Variants in MYL12B observed in about 807,000 individuals in gnomAD.
The protein encoded by MYL12B is myosin light chain 12B, also known as myosin regulatory light chain 12B.
A neutral mutation model predicts 12.9 loss-of-function variants in MYL12B; 3 were observed. That is an observed-to-expected ratio of 0.23 (90% CI 0.11 to 0.60). The LOEUF is 0.60. Among genes scored for constraint, MYL12B ranks in the 20% least tolerant of loss-of-function variants. The pLI, the probability that MYL12B is intolerant of heterozygous loss-of-function variation, is 0.89. For synonymous variants in MYL12B, 57 were observed against 71.9 expected (o/e 0.79, Z 1.05); for missense variants, 120 against 215.4 (o/e 0.56, Z 2.77).
chr18:3,270,037 T>G (rs1262510309), intron 1 of MYL12B, among the ~76,000 whole-genome samples: 1 of 152,158 alleles, frequency 6.6e-6, no homozygotes, highest in Non-Finnish European at 1.5e-5. Flanking sequence ...AGTAGACTGA[T>G]CCAAGAAGAT....
intron 2 of MYL12B, chr18:3,276,905 A>C: frequency 4.2e-6 from 4 of 942,600 alleles, no homozygotes; most frequent in Non-Finnish European, 5.0e-6. Flanking sequence ...GCATGGTGGC[A>C]CATGCCTATA....
chr18:3,277,470 T>G (rs2081742858), intron 3 of MYL12B, 56 bp downstream of exon 3: 1 of 1,549,106 alleles, frequency 6.5e-7, no homozygotes, highest in East Asian at 2.3e-5. Flanking sequence ...AGTACTTCTG[T>G]GAAATAGAAG....
At chr18:3,270,741 T>C (rs148984749) in intron 1 of MYL12B, among the ~76,000 whole-genome samples, 1 of 152,292 alleles carries the variant, frequency 6.6e-6, no homozygotes, top group African/African-American at 2.4e-5. Context: ...ACCATTACGG[T>C]TCACCAGCCT....
Position 3,262,174 on chromosome 18 carries a change from A to G in MYL12B, c.-79A>G, listed in dbSNP as rs1412046522. The stretch of plus-strand genomic sequence containing the variant: ...CGCCGCCACTGTCCGGCCACAGCCT[A>G]ACGCTCTTCGCTGTCGTTTGTGGTC... On this transcript the variant is annotated 5_prime_UTR_variant, in exon 1 of 4. Coordinates refer to ENST00000237500, the MANE Select transcript of MYL12B (RefSeq NM_033546.4). The G allele has an allele frequency of 1.3e-5, 2 of 151,966 alleles. No homozygotes were observed. The highest frequency in any genetic ancestry group is 3.9e-4 in the East Asian group (2 of 5,170). The allele number at this position is 151,966 out of a possible 1,614,324, so 9.4% of individuals were successfully genotyped here. A position where few individuals can be genotyped will look rare whatever the true frequency, so the allele number is the denominator to read the frequency against.
At chr18:3,275,995 A>G (rs372461060) in intron 2 of MYL12B, among the ~76,000 whole-genome samples, 10 of 152,238 alleles carry the variant, frequency 6.6e-5, no homozygotes, top group African/African-American at 2.2e-4. Context: ...TAAAACTTAC[A>G]TATGAACTAT....
chr18:3,262,986 G>C (rs775154148), intron 1 of MYL12B: 2 of 152,252 alleles, frequency 1.3e-5, no homozygotes, highest in Admixed American at 6.5e-5. Flanking sequence ...CCTTAAGAGG[G>C]AGAACTTAGC....
chr18:3,273,924 T>G (rs759902479), intron 2 of MYL12B, among the ~76,000 whole-genome samples: 10 of 152,126 alleles, frequency 6.6e-5, no homozygotes, highest in Non-Finnish European at 1.5e-4. Context: ...TGATTTTGAT[T>G]ATTTCTCCTA....
At chr18:3,272,719 G>A (rs1021962667) in intron 1 of MYL12B, among the ~76,000 whole-genome samples, 165 bp from the exon 2 acceptor site, 3 of 152,078 alleles carry the variant, frequency 2.0e-5, no homozygotes, top group African/African-American at 7.2e-5. Flanking sequence ...TCATTTAATT[G>A]TCACATTGAA....
intron 1 of MYL12B, among the ~76,000 whole-genome samples, chr18:3,271,335 A>G (rs2081677143): frequency 6.6e-6 from 1 of 152,214 alleles, no homozygotes; most frequent in South Asian, 2.1e-4. Flanking sequence ...TGTTAGAGTA[A>G]GGACTGTAAG....
chr18:3,265,468 TAC>T (rs1207852786), intron 1 of MYL12B, among the ~76,000 whole-genome samples: 1 of 152,202 alleles, frequency 6.6e-6, no homozygotes, highest in African/African-American at 2.4e-5. Context: ...GCCCAAGAAC[TAC>T]TCTCTGCTTT....
intron 1 of MYL12B, among the ~76,000 whole-genome samples, chr18:3,264,607 G>C (rs2081622685): frequency 6.6e-6 from 1 of 152,178 alleles, no homozygotes; most frequent in African/African-American, 2.4e-5. Context: ...AGCTGCTCGA[G>C]GCTGAGTCAG....
intron 1 of MYL12B, among the ~76,000 whole-genome samples, chr18:3,269,445 G>A (rs1598807262): frequency 1.3e-5 from 2 of 152,206 alleles, no homozygotes; most frequent in African/African-American, 4.8e-5. Context: ...GGTTCATCAG[G>A]GAGAGGGATT....
rs779389811 is a variant in MYL12B, at chr18:3,277,815, C to A, written c.397C>A (p.Arg133=). ...AGAGCTGCTGACAACCATGGGGGAT[C>A]GGTTTACAGATGAGGAAGTGGATGA... The part of the protein sequence containing the change: ...LRELLTTMGD[R]FTDEEVDELY... Residue 133 remains arginine (R), a synonymous_variant, in exon 4 of 4, where the codon CGG becomes AGG. Coordinates refer to ENST00000237500, the MANE Select transcript of MYL12B (RefSeq NM_033546.4). 6 of 1,613,478 alleles carry A rather than the reference C, an allele frequency of 3.7e-6. 1 individual carries two copies. Among genetic ancestry groups the A allele is most frequent in the Non-Finnish European group, 5.1e-6 (6 of 1,179,832 alleles).
intron 2 of MYL12B, among the ~76,000 whole-genome samples, chr18:3,276,727 C>A (rs891690928): frequency 3.2e-4 from 48 of 151,970 alleles, no homozygotes; most frequent in African/African-American, 1.2e-3. Flanking sequence ...CCCGATGGAC[C>A]ATTGATGTTA....
At chr18:3,270,643 G>C (rs2081670569) in intron 1 of MYL12B, among the ~76,000 whole-genome samples, 1 of 136,960 alleles carries the variant, frequency 7.3e-6, no homozygotes, top group Non-Finnish European at 1.6e-5. Flanking sequence ...TGTAGAAGTA[G>C]CATGATACAA....
intron 1 of MYL12B, among the ~76,000 whole-genome samples, chr18:3,271,549 A>C (rs141407117): frequency 2.6e-5 from 4 of 152,316 alleles, no homozygotes; most frequent in Non-Finnish European, 4.4e-5. Flanking sequence ...GAAGTTACGG[A>C]AACAGTCTGC....
chr18:3,272,712 T>G (rs1365048735), intron 1 of MYL12B, among the ~76,000 whole-genome samples, 172 bp from the exon 2 acceptor site: 2 of 152,202 alleles, frequency 1.3e-5, no homozygotes. Context: ...CACTCAGTCA[T>G]TTAATTGTCA....
Position 3,277,263 on chromosome 18 carries a change from C to A in MYL12B, c.195C>A (p.Pro65=), listed in dbSNP as rs765110156. Residue 65 remains proline, a synonymous_variant, in exon 3 of 4, where the codon CCC becomes CCA. Transcript: ENST00000237500. ...HDMLASLGKN[P]TDAYLDAMMN... is the part of the protein sequence containing the mutation. Reference sequence around the variant, plus strand: ...TGTGTATTCTTACAGGGAAGAATCCCACTGATGCATACCTTGATGCCATGA... The same window carrying A: ...TGTGTATTCTTACAGGGAAGAATCCAACTGATGCATACCTTGATGCCATGA... 1 of 1,593,934 alleles carries A rather than the reference C, an allele frequency of 6.3e-7. No individual in the cohort carries two copies. Among genetic ancestry groups the A allele is most frequent in the Non-Finnish European group, 8.5e-7 (1 of 1,170,662 alleles).
Position 3,272,094 on chromosome 18 carries a change from CAAGGGAA to C in MYL12B, c.-15-781_-15-775del, listed in dbSNP as rs939273830. On this transcript the variant is annotated intron_variant, in intron 1 of 3. Coordinates refer to ENST00000237500, the MANE Select transcript of MYL12B (RefSeq NM_033546.4). ...TAGACTGGTATTCTGAAAGTCTTGT[CAAGGGAA>C]AAGGGAAATGCAGGGATAGCTAGAA... 18 of 984,790 alleles carry C rather than the reference CAAGGGAA, an allele frequency of 1.8e-5. No homozygotes were observed. In the African/African-American group the frequency reaches 3.2e-4, roughly 17 times the overall value. The allele number at this position is 984,790 out of a possible 1,614,324, so 61.0% of individuals were successfully genotyped here. A position where few individuals can be genotyped will look rare whatever the true frequency, so the allele number is the denominator to read the frequency against.
Sources: allele counts gnomAD v4.1 joint callset (sites outside exome capture counted in the v4.1 genomes callset), GRCh38; gene constraint gnomAD v4.1.1; transcripts MANE v1.5; gene names NCBI Gene and HGNC (gene_info 2026-07-23, HGNC 2026-07-21).